The following MYO16 variants were observed in gnomAD, a reference collection of about 807,000 sequenced individuals.
MYO16 encodes myosin XVI, also known as unconventional myosin-XVI.
A neutral mutation model predicts 205.3 loss-of-function variants in MYO16; 94 were observed. That is an observed-to-expected ratio of 0.46 (90% CI 0.39 to 0.54). MYO16 has a LOEUF of 0.54. Ranked by LOEUF, MYO16 falls within the 20% of genes least tolerant of loss-of-function variation. The probability of loss-of-function intolerance (pLI) is 0.00; values close to 1 mark genes in which losing one functional copy is unlikely to be tolerated. For missense variants in MYO16, 2,315 were observed against 2,387.5 expected (o/e 0.97, Z 0.63); for synonymous variants, 988 against 954.0 (o/e 1.04, Z -0.66).
chr13:108,929,184 C>T (rs1240945157), intron 16 of MYO16, among the ~76,000 whole-genome samples: 1 of 152,186 alleles, frequency 6.6e-6, no homozygotes, highest in Non-Finnish European at 1.5e-5. Flanking sequence ...AGGAGCCAAA[C>T]TCAGGAAGTT....
intron 34 of MYO16, among the ~76,000 whole-genome samples, chr13:109,199,222 A>G (rs985249032): frequency 1.0e-5 from 1 of 96,900 alleles, no homozygotes; most frequent in African/African-American, 3.7e-5. Context: ...ATATATATAT[A>G]TATATATATA....
chr13:109,086,969 T>C (rs1050496495), intron 27 of MYO16, among the ~76,000 whole-genome samples: 1 of 152,232 alleles, frequency 6.6e-6, no homozygotes, highest in African/African-American at 2.4e-5. Flanking sequence ...GCTACTAATG[T>C]TTAATATCTC....
chr13:108,797,812 G>GT (rs1886837594), intron 6 of MYO16, among the ~76,000 whole-genome samples: 1 of 152,102 alleles, frequency 6.6e-6, no homozygotes, highest in Admixed American at 6.5e-5. Flanking sequence ...ATACTGCTAA[G>GT]TAAAAACAAA....
the MYO16 span, among the ~76,000 whole-genome samples, chr13:108,543,752 T>C: frequency 6.7e-6 from 1 of 148,662 alleles, no homozygotes; most frequent in East Asian, 2.0e-4. Flanking sequence ...TTTTTTTTTT[T>C]TTTTTAATCA....
At chr13:108,520,984 C>T in the MYO16 span, among the ~76,000 whole-genome samples, 2 of 152,052 alleles carry the variant, frequency 1.3e-5, no homozygotes, top group Non-Finnish European at 2.9e-5. Flanking sequence ...CTCTCTTTTT[C>T]CTTCTTTCCT....
Position 109,127,201 on chromosome 13 carries a change from C to A in MYO16, c.3783-81C>A. The stretch of plus-strand genomic sequence containing the variant: ...TGCCAAAAAGCCGTCATTATGTCTG[C>A]TTGAGCAGGTTCCTTGTTACCGGAA... On this transcript the variant is annotated intron_variant, in intron 30 of 34. Coordinates refer to ENST00000457511, the MANE Select transcript of MYO16 (RefSeq NM_001198950.3). The surrounding 1 kb of genome is among the most constrained non-coding windows in gnomAD (Gnocchi z 4.2). 6.8e-7 allele frequency: 1 copy of A among 1,467,696 alleles called. No individual in the cohort carries two copies. Among genetic ancestry groups the A allele is most frequent in the Non-Finnish European group, 9.0e-7 (1 of 1,105,220 alleles). 90.9% of individuals were successfully genotyped at this position (1,467,696 alleles called of 1,614,324 possible).
rs1036363548 is a variant in MYO16, at chr13:109,055,120, A to T, written c.3123A>T (p.Gln1041His). 1.3e-6 allele frequency: 2 copies of T among 1,579,818 alleles called. No homozygotes were observed. The highest frequency in any genetic ancestry group is 2.7e-5 in the African/African-American group (2 of 72,806). Residue 1041 changes from glutamine (Q) to histidine (H), a missense_variant, in exon 26 of 35, where the codon CAA (glutamine) becomes CAT (histidine). Gln to His is a conservative substitution (Grantham distance 24). Around this residue, in one of 3 missense-constraint regions of MYO16, gnomAD observed 1,213 missense variants for 1,274.4 expected, o/e 0.95. Coordinates refer to ENST00000457511, the MANE Select transcript of MYO16 (RefSeq NM_001198950.3). The surrounding 1 kb of genome is among the most constrained non-coding windows in gnomAD (Gnocchi z 5.0). ...GAGATCCAGTCACCATAGCATCACA[A>T]CTCAGGGTTAGTGACGTTTTCAGAT... ...ERGDPVTIASQLRKSLMDIIG... is the reference protein window; with the variant it reads ...ERGDPVTIASHLRKSLMDIIG...
chr13:108,678,216 C>A (rs1882313737), intron 2 of MYO16, among the ~76,000 whole-genome samples: 1 of 152,194 alleles, frequency 6.6e-6, no homozygotes, highest in Non-Finnish European at 1.5e-5. Flanking sequence ...CAGAGAATTT[C>A]TAAAACTGGA....
intron 6 of MYO16, among the ~76,000 whole-genome samples, chr13:108,802,439 G>A (rs149307284): frequency 2.0e-5 from 3 of 152,250 alleles, no homozygotes; most frequent in Admixed American, 6.5e-5. Flanking sequence ...TTTTAAGGGT[G>A]ACTAGTATTC....
chr13:109,023,990 ATATG>A lies in MYO16; in HGVS notation c.2796+4083_2796+4086del, dbSNP rs1487864315. On this transcript the variant is annotated intron_variant, in intron 23 of 34. Transcript: ENST00000457511. Reference sequence around the variant, plus strand: ...TATATTTCTATATGTATATATTTCTATATGTATATATAGAAATATTATATATACA... The same window carrying A: ...TATATTTCTATATGTATATATTTCTATATATATAGAAATATTATATATACA... Among the ~76,000 whole-genome samples the A allele has an allele frequency of 2.8e-5, 3 of 107,224 alleles. No homozygotes were observed. The East Asian group carries it at 1.2e-3, about 43-fold the overall frequency. 70.3% of individuals were successfully genotyped at this position (107,224 alleles called of 152,430 possible). A position where few individuals can be genotyped will look rare whatever the true frequency, so the allele number is the denominator to read the frequency against.
At chr13:108,739,627 T>C (rs1884830365) in intron 4 of MYO16, among the ~76,000 whole-genome samples, 1 of 152,196 alleles carries the variant, frequency 6.6e-6, no homozygotes, top group African/African-American at 2.4e-5. Flanking sequence ...GAGTTGCTCT[T>C]CTCGAGGAGT....
chr13:108,680,545 TAGAG>T (rs1882419521), intron 2 of MYO16, among the ~76,000 whole-genome samples: 1 of 152,162 alleles, frequency 6.6e-6, no homozygotes, highest in South Asian at 2.1e-4. Flanking sequence ...ATCATCCACA[TAGAG>T]AGAGAAGCAA....
intron 31 of MYO16, among the ~76,000 whole-genome samples, chr13:109,132,358 A>G (rs936514628): frequency 6.6e-6 from 1 of 152,236 alleles, no homozygotes; most frequent in Non-Finnish European, 1.5e-5. Context: ...ATTGCTGTAC[A>G]ACTGCATTCT....
the MYO16 span, among the ~76,000 whole-genome samples, chr13:108,578,901 A>G: frequency 6.7e-6 from 1 of 149,190 alleles, no homozygotes; most frequent in Non-Finnish European, 1.5e-5. Context: ...TGTATTATGT[A>G]TTTATGTATT....
At chr13:109,002,596 G>A (rs761087487) in intron 21 of MYO16, among the ~76,000 whole-genome samples, 17 of 152,186 alleles carry the variant, frequency 1.1e-4, no homozygotes, top group East Asian at 1.9e-4. Context: ...CCACATTCAC[G>A]TCTACTCTGA....
At chr13:108,796,840 C>T (rs1049124757) in intron 6 of MYO16, among the ~76,000 whole-genome samples, 1 of 150,296 alleles carries the variant, frequency 6.7e-6, no homozygotes, top group Admixed American at 6.6e-5. Flanking sequence ...ATGGGTGCAG[C>T]ACACCAACAT....
Position 108,862,184 on chromosome 13 carries a change from A to T in MYO16, c.1360-3993A>T, listed in dbSNP as rs145440157. Among the ~76,000 whole-genome samples, 35 of 152,328 alleles carry T rather than the reference A, an allele frequency of 2.3e-4. 2 individuals carry two copies. The East Asian group carries it at 6.6e-3, about 29-fold the overall frequency. ...ATCCCCAAAGTCTGAAATGCCAAAC[A>T]TCTATAATCCTGCAAATCACAATCC... is the stretch of plus-strand genomic sequence containing the variant. On this transcript the variant is annotated intron_variant, in intron 11 of 34. Transcript: ENST00000457511.
At chr13:108,818,345 C>T (rs1377484673) in intron 7 of MYO16, among the ~76,000 whole-genome samples, 3 of 149,484 alleles carry the variant, frequency 2.0e-5, no homozygotes, top group Non-Finnish European at 4.4e-5. Context: ...GATGGCGCCA[C>T]TGCACTCCAG....
the MYO16 span, among the ~76,000 whole-genome samples, chr13:108,589,442 C>T: frequency 9.9e-5 from 15 of 151,960 alleles, no homozygotes; most frequent in East Asian, 5.8e-4. Context: ...GTATTTATTT[C>T]GCTCCCTACT....
Sources: allele counts gnomAD v4.1 joint callset (sites outside exome capture counted in the v4.1 genomes callset), GRCh38; gene constraint gnomAD v4.1.1; regional missense constraint gnomAD v4.1.1; non-coding constraint Gnocchi (gnomAD v3.1); transcripts MANE v1.5; gene names NCBI Gene and HGNC (gene_info 2026-07-23, HGNC 2026-07-21).